DST: variants seen among roughly 807,000 people sequenced by gnomAD.
DST encodes the protein dystonin, also known as bullous pemphigoid antigen.
A neutral mutation model predicts 875.2 loss-of-function variants in DST; 253 were observed. The ratio of observed to expected loss-of-function variants is 0.29; its 90% CI spans 0.26 to 0.32. The LOEUF (loss-of-function observed/expected upper bound fraction) is 0.32, where lower values mean the gene tolerates loss of function less well. Among genes scored for constraint, DST ranks in the 10% least tolerant of loss-of-function variants. DST has a pLI of 1.00. For synonymous variants in DST, 3,124 were observed against 3,197.1 expected, an observed-to-expected ratio of 0.98 and a Z score of 0.77; for missense variants, 8,287 against 9,111.6, an observed-to-expected ratio of 0.91 and a Z score of 3.68.
intron 3 of DST, among the ~76,000 whole-genome samples, chr6:56,867,280 T>C (rs1774620944): frequency 6.6e-6 from 1 of 152,230 alleles, no homozygotes; most frequent in South Asian, 2.1e-4. Flanking sequence ...CTATATTAAA[T>C]GACCTAATGC....
intron 2 of DST, among the ~76,000 whole-genome samples, chr6:56,935,371 G>A (rs537168508): frequency 2.0e-5 from 3 of 152,214 alleles, no homozygotes; most frequent in Admixed American, 6.5e-5. Context: ...TGCCTGCTGC[G>A]TGCAGCTCAC....
intron 4 of DST, among the ~76,000 whole-genome samples, chr6:56,795,117 G>T (rs1334046983): frequency 2.0e-5 from 3 of 152,106 alleles, no homozygotes; most frequent in Admixed American, 1.3e-4. Flanking sequence ...AAGGAAGGGA[G>T]ATAAAAAGTT....
At chr6:56,756,058 A>C (rs2099602061) in intron 4 of DST, among the ~76,000 whole-genome samples, 1 of 152,216 alleles carries the variant, frequency 6.6e-6, no homozygotes, top group South Asian at 2.1e-4. Flanking sequence ...CGACGGAGTC[A>C]AGAGGGGAGT....
chr6:56,603,636 T>C lies in DST; in HGVS notation c.10869A>G (p.Lys3623=). Residue 3623 remains lysine (K), a synonymous_variant, in exon 41 of 104, where the codon AAA becomes AAG. Transcript: ENST00000680361. ...GAGATTCCTGGTTGTCTAAGGGGGGTTTCATATCTTGAAGCAATGTCAAAT... is the reference window on the plus strand; with the variant it reads ...GAGATTCCTGGTTGTCTAAGGGGGGCTTCATATCTTGAAGCAATGTCAAAT... ...HEYLTLLQDM[K]PPLDNQESLD... 6.2e-7 allele frequency: 1 copy of C among 1,611,176 alleles called. No homozygotes were observed. Among genetic ancestry groups the C allele is most frequent in the Non-Finnish European group, 8.5e-7 (1 of 1,178,868 alleles).
chr6:56,729,714 T>C (rs1296071844), intron 5 of DST, among the ~76,000 whole-genome samples: 1 of 152,202 alleles, frequency 6.6e-6, no homozygotes, highest in East Asian at 1.9e-4. Context: ...AGAGCTTTTT[T>C]TTCTGTTCTC....
At chr6:56,475,100 C>T (rs2095110460) in intron 92 of DST, among the ~76,000 whole-genome samples, 1 of 150,082 alleles carries the variant, frequency 6.7e-6, no homozygotes. Flanking sequence ...TTAAAGTATA[C>T]TACCATTGTA....
chr6:56,840,095 G>T (rs572508912), intron 4 of DST, among the ~76,000 whole-genome samples: 1 of 152,292 alleles, frequency 6.6e-6, no homozygotes, highest in East Asian at 1.9e-4. Context: ...AGAATGAAAT[G>T]TATTGAATTC....
At chr6:56,550,242 C>T (rs557799754) in intron 61 of DST, among the ~76,000 whole-genome samples, 29 of 152,062 alleles carry the variant, frequency 1.9e-4, no homozygotes, top group African/African-American at 6.7e-4. Context: ...TACTTGAAAA[C>T]TTTTTTTTCA....
In DST at chr6:56,830,943, A is replaced by G. The variant is rs563825530; in HGVS notation, c.625+20454T>C. 2.0e-5 allele frequency among the ~76,000 whole-genome samples: 3 copies of G among 152,338 alleles called. No individual in the cohort carries two copies. In the East Asian group the frequency reaches 5.8e-4, roughly 29 times the overall value. On this transcript the variant is annotated intron_variant, in intron 4 of 103. Coordinates refer to ENST00000680361, the MANE Select transcript of DST (RefSeq NM_001374736.1). The stretch of plus-strand genomic sequence containing the variant: ...CAGTATGGTGTTCTCTAGACTGGCT[A>G]TCAGAAGACCAGAATTCTAGCCCCA...
intron 5 of DST, 107 bp from the exon 6 acceptor site, chr6:56,704,476 T>C: frequency 1.8e-6 from 1 of 547,950 alleles, no homozygotes; most frequent in Middle Eastern, 2.7e-4. Context: ...ATGGTATTCA[T>C]TCATGCACCT....
At position 56,617,128 on chromosome 6, in the gene DST, C is replaced by T; in HGVS notation, c.4930-2644G>A. The T allele has an allele frequency of 6.2e-7, 1 of 1,609,516 alleles. No individual in the cohort carries two copies. Among genetic ancestry groups the T allele is most frequent in the Non-Finnish European group, 8.5e-7 (1 of 1,176,672 alleles). ...CAGTCTTAAGACCGAGTCGCAGCTG[C>T]TCAATTGTTCTCATGTCCAGAAGCT... On this transcript the variant is annotated intron_variant, in intron 36 of 103. Coordinates refer to ENST00000680361, the MANE Select transcript of DST (RefSeq NM_001374736.1).
intron 63 of DST, 76 bp from the exon 64 acceptor site, chr6:56,532,586 A>C (rs557306137): frequency 7.3e-7 from 1 of 1,363,168 alleles, no homozygotes; most frequent in Admixed American, 2.8e-5. Context: ...TTCTAAGTAC[A>C]TTTGAAGTAT....
chr6:56,608,161 C>A lies in DST; in HGVS notation c.6467G>T (p.Cys2156Phe). ...AGAGAGCCATCTTCTGGCATTTTTA[C>A]AAGCTTCTAAATCTCCTAAATCTGG... The part of the protein sequence containing the change: ...KMPDLGDLEA[C>F]KNARRWLSFC... Residue 2156 changes from cysteine (C) to phenylalanine (F), a missense_variant, in exon 40 of 104, where the codon TGT becomes TTT. Cys to Phe is a radical substitution (Grantham distance 205). Coordinates refer to ENST00000680361, the MANE Select transcript of DST (RefSeq NM_001374736.1). 6.2e-7 allele frequency: 1 copy of A among 1,613,688 alleles called. No homozygotes were observed. Among genetic ancestry groups the A allele is most frequent in the South Asian group, 1.1e-5 (1 of 91,074 alleles).
At chr6:56,477,071 G>C (rs776372036) in intron 91 of DST, among the ~76,000 whole-genome samples, 54 of 152,250 alleles carry the variant, frequency 3.5e-4, no homozygotes, top group Non-Finnish European at 7.1e-4. Flanking sequence ...TTATTCAACA[G>C]AAACAATGTG....
intron 86 of DST, 22 bp downstream of exon 86, chr6:56,489,468 C>G: frequency 6.2e-7 from 1 of 1,602,166 alleles, no homozygotes; most frequent in Non-Finnish European, 8.5e-7. Context: ...AGACAATATG[C>G]TCTTCTTAAT....
At position 56,609,345 on chromosome 6, in the gene DST, C is replaced by T; in HGVS notation, c.5284-1G>A. 6.3e-7 allele frequency: 1 copy of T among 1,583,972 alleles called. No individual in the cohort carries two copies. Among genetic ancestry groups the T allele is most frequent in the Non-Finnish European group, 8.6e-7 (1 of 1,165,460 alleles). On this transcript the variant is annotated splice_acceptor_variant, in intron 39 of 103. Transcript: ENST00000680361. LOFTEE classifies it high-confidence loss of function. ...TGGTGCCTGCAATCACTTTATCCAG[C>T]TGAAAGGAAAATGCAAAAATCTCAG...
intron 2 of DST, among the ~76,000 whole-genome samples, chr6:56,936,040 T>C (rs74579999): frequency 1.3e-5 from 2 of 152,310 alleles, no homozygotes; most frequent in East Asian, 3.9e-4. Context: ...ATTTGTATAA[T>C]GGTAAAATAA....
At chr6:56,531,203 C>A (rs2096890655) in intron 64 of DST, among the ~76,000 whole-genome samples, 1 of 152,146 alleles carries the variant, frequency 6.6e-6, no homozygotes. Context: ...GTGGAAATAA[C>A]TATTCTGTGA....
intron 74 of DST, among the ~76,000 whole-genome samples, chr6:56,509,070 C>A (rs2096407836): frequency 6.6e-6 from 1 of 152,142 alleles, no homozygotes; most frequent in Non-Finnish European, 1.5e-5. Flanking sequence ...GAAATAATCA[C>A]CTAGGTACAC....
Sources: gnomAD v4.1 joint callset for allele counts (sites outside exome capture counted in the v4.1 genomes callset) on GRCh38, gnomAD v4.1.1 for gene constraint, MANE v1.5 for transcripts, NCBI Gene and HGNC (gene_info 2026-07-23, HGNC 2026-07-21) for gene names.